Variants in TNR observed in about 807,000 individuals in gnomAD.
TNR encodes tenascin R.
TNR carries 45 observed loss-of-function variants against 150.4 expected under a neutral mutation model. The ratio of observed to expected loss-of-function variants is 0.30; its 90% confidence interval spans 0.24 to 0.38. TNR has a LOEUF of 0.38. Among genes scored for constraint, TNR ranks in the 10% least tolerant of loss-of-function variants. The pLI is 1.00. For synonymous variants in TNR, 687 were observed against 678.4 expected, an observed-to-expected ratio of 1.01 and a Z score of -0.20; for missense variants, 1,544 against 1,759.1, an observed-to-expected ratio of 0.88 and a Z score of 2.19.
At chr1:175,694,159 T>C (rs1034991727) in intron 1 of TNR, among the ~76,000 whole-genome samples, 8 of 152,202 alleles carry the variant, frequency 5.3e-5, no homozygotes, top group Admixed American at 5.2e-4. Context: ...AGACTTTTCC[T>C]CTCAGTCTTA....
intron 2 of TNR, among the ~76,000 whole-genome samples, chr1:175,524,415 G>C (rs1230068778): frequency 1.3e-5 from 2 of 151,966 alleles, no homozygotes; most frequent in African/African-American, 2.4e-5. Context: ...TCAAGGGAAA[G>C]CTTTTTGTTT....
At chr1:175,523,345 A>G (rs1481091843) in intron 2 of TNR, among the ~76,000 whole-genome samples, 1 of 152,270 alleles carries the variant, frequency 6.6e-6, no homozygotes, top group Non-Finnish European at 1.5e-5. Context: ...ATGAGCACTT[A>G]TACATGGCTG....
chr1:175,320,697 C>CGTGTGTGTGTGTGTGTGTGTGTGT lies in TNR; in HGVS notation c.*2636_*2659dup, dbSNP rs3030868. On this transcript the variant is annotated 3_prime_UTR_variant, in exon 23 of 23. Coordinates refer to ENST00000367674, the MANE Select transcript of TNR (RefSeq NM_003285.3). ...GGCATGATCTTTTCTGCAGTATTTTCGTGTGTGTGTGTGTGTGTGTGTGTG... is the reference window on the plus strand; with the variant it reads ...GGCATGATCTTTTCTGCAGTATTTTCGTGTGTGTGTGTGTGTGTGTGTGTGTGTGTGTGTGTGTGTGTGTGTGTG... The CGTGTGTGTGTGTGTGTGTGTGTGT allele has an allele frequency of 1.2e-4, 18 of 146,426 alleles. No homozygotes were observed. The highest frequency in any genetic ancestry group is 4.6e-4 in the African/African-American group (18 of 39,216). The allele number at this position is 146,426 out of a possible 1,614,324, so 9.1% of individuals were successfully genotyped here. A position where few individuals can be genotyped will look rare whatever the true frequency, so the allele number is the denominator to read the frequency against.
intron 9 of TNR, among the ~76,000 whole-genome samples, chr1:175,376,883 C>CAT (rs1652418016): frequency 2.7e-5 from 2 of 75,034 alleles, no homozygotes; most frequent in Non-Finnish European, 6.5e-5. Flanking sequence ...TATATATACA[C>CAT]ATATATTTGA....
intron 2 of TNR, among the ~76,000 whole-genome samples, chr1:175,419,639 G>A (rs1053199350): frequency 7.2e-5 from 11 of 151,976 alleles, no homozygotes; most frequent in African/African-American, 2.2e-4. Context: ...CCACCACCAC[G>A]CCCGGCTAAT....
intron 2 of TNR, among the ~76,000 whole-genome samples, chr1:175,494,753 A>G (rs1658410681): frequency 6.6e-6 from 1 of 151,954 alleles, no homozygotes; most frequent in Non-Finnish European, 1.5e-5. Flanking sequence ...GTTCCATTTC[A>G]CAGTCAAAGC....
rs543583021 is a variant in TNR at position 175,513,435 on chromosome 1, G to T, written c.-64+14834C>A. Among the ~76,000 whole-genome samples, 17 of 152,244 alleles carry T rather than the reference G, an allele frequency of 1.1e-4. No individual in the cohort carries two copies. In the East Asian group the frequency reaches 3.3e-3, roughly 30 times the overall value. On this transcript the variant is annotated intron_variant, in intron 2 of 22. Transcript: ENST00000367674. Reference sequence around the variant, plus strand: ...GAGTTGGTCTGCCTGCAGAGAGCAGGTGCTCTCAGATGCACTCCTCCTTCC... The same window carrying T: ...GAGTTGGTCTGCCTGCAGAGAGCAGTTGCTCTCAGATGCACTCCTCCTTCC...
chr1:175,493,689 C>A (rs1037715109), intron 2 of TNR, among the ~76,000 whole-genome samples: 10 of 152,238 alleles, frequency 6.6e-5, no homozygotes, highest in African/African-American at 2.4e-4. Flanking sequence ...CTATGTTTAG[C>A]TTCCCTCCTT....
intron 2 of TNR, among the ~76,000 whole-genome samples, chr1:175,488,109 G>T (rs1557964107): frequency 6.6e-6 from 1 of 152,314 alleles, no homozygotes; most frequent in Non-Finnish European, 1.5e-5. Flanking sequence ...GAGGTAGGGT[G>T]CAAGAAAGCA....
intron 1 of TNR, among the ~76,000 whole-genome samples, chr1:175,738,101 T>A (rs1459678666): frequency 6.6e-6 from 1 of 152,112 alleles, no homozygotes; most frequent in Non-Finnish European, 1.5e-5. Flanking sequence ...GCCCCAAGTA[T>A]CCTCCTCCGT....
intron 1 of TNR, among the ~76,000 whole-genome samples, chr1:175,731,231 A>T (rs368157300): frequency 4.6e-5 from 7 of 152,302 alleles, no homozygotes; most frequent in Admixed American, 3.3e-4. Flanking sequence ...ACAGGACAAC[A>T]AAAGGAACCA....
chr1:175,722,963 T>C (rs1246216182), intron 1 of TNR, among the ~76,000 whole-genome samples: 1 of 152,098 alleles, frequency 6.6e-6, no homozygotes, highest in Non-Finnish European at 1.5e-5. Context: ...GGTTAATTTT[T>C]GTATTTTTAA....
intron 1 of TNR, among the ~76,000 whole-genome samples, chr1:175,550,373 T>C (rs768535394): frequency 6.6e-6 from 1 of 152,176 alleles, no homozygotes; most frequent in South Asian, 2.1e-4. Flanking sequence ...CCCTCTGAGA[T>C]GCTGAATCAG....
chr1:175,460,193 T>C (rs1208955599), intron 2 of TNR, among the ~76,000 whole-genome samples: 3 of 152,092 alleles, frequency 2.0e-5, no homozygotes, highest in African/African-American at 7.2e-5. Flanking sequence ...AGGTGGAGGA[T>C]TTGCCTTGCT....
chr1:175,424,119 C>T (rs548851951), intron 2 of TNR, among the ~76,000 whole-genome samples: 1 of 152,162 alleles, frequency 6.6e-6, no homozygotes, highest in African/African-American at 2.4e-5. Flanking sequence ...ACTTTTTAAT[C>T]TGTGTTAATT....
At chr1:175,348,234 C>T (rs1650892030) in intron 18 of TNR, among the ~76,000 whole-genome samples, 1 of 152,048 alleles carries the variant, frequency 6.6e-6, no homozygotes. Context: ...GAAAAACTTA[C>T]AACTCTATTA....
rs1648923470 is a variant in TNR, at chr1:175,319,214, A to G, written c.*4143T>C. 1 of 152,308 alleles carries G rather than the reference A, an allele frequency of 6.6e-6. No homozygotes were observed. The highest frequency in any genetic ancestry group is 1.5e-5 in the Non-Finnish European group (1 of 68,086). The allele number at this position is 152,308 out of a possible 1,614,324, so 9.4% of individuals were successfully genotyped here. A position where few individuals can be genotyped will look rare whatever the true frequency, so the allele number is the denominator to read the frequency against. The stretch of plus-strand genomic sequence containing the variant: ...AAAAAGAAAAAGAAAAAATGTTTTC[A>G]TGTCCCTAGGGTATTTGCAAATCCA... On this transcript the variant is annotated 3_prime_UTR_variant, in exon 23 of 23. Coordinates refer to ENST00000367674, the MANE Select transcript of TNR (RefSeq NM_003285.3).
chr1:175,694,901 T>C (rs1252623625), intron 1 of TNR, among the ~76,000 whole-genome samples: 2 of 152,204 alleles, frequency 1.3e-5, no homozygotes, highest in Non-Finnish European at 2.9e-5. Context: ...AAAGTCAATA[T>C]CTATGGTTTA....
rs1663138575 is a variant in TNR at position 175,599,373 on chromosome 1, A to G, written c.-164-71004T>C. Among the ~76,000 whole-genome samples the G allele has an allele frequency of 6.6e-6, 1 of 152,092 alleles. No homozygotes were observed. Among genetic ancestry groups the G allele is most frequent in the African/African-American group, 2.4e-5 (1 of 41,412 alleles). On this transcript the variant is annotated intron_variant, in intron 1 of 22. Coordinates refer to ENST00000367674, the MANE Select transcript of TNR (RefSeq NM_003285.3). The surrounding 1 kb of genome is among the most constrained non-coding windows in gnomAD (Gnocchi z 4.7). ...AGGCACACACGCGCCTTCTGCTCAC[A>G]CCTCAGGCAGTCGGAGGGGCCCGGC...
Sources: gnomAD v4.1 joint callset for allele counts (sites outside exome capture counted in the v4.1 genomes callset) on GRCh38, gnomAD v4.1.1 for gene constraint, Gnocchi (gnomAD v3.1) non-coding constraint, MANE v1.5 for transcripts, NCBI Gene and HGNC (gene_info 2026-07-23, HGNC 2026-07-21) for gene names.